FBXO15: variants seen among roughly 807,000 people sequenced by gnomAD.
The protein encoded by FBXO15 is F-box protein 15, also known as F-box only protein 15.
In FBXO15, 30 loss-of-function variants were observed where a neutral mutation model predicts 49.5. The ratio of observed to expected loss-of-function variants is 0.61; its 90% CI spans 0.45 to 0.82. The LOEUF (loss-of-function observed/expected upper bound fraction) is 0.82, where lower values mean the gene tolerates loss of function less well. FBXO15 is among the 40% of genes least tolerant of loss of function. The pLI is 0.00. For synonymous variants in FBXO15, 250 were observed against 232.7 expected (o/e 1.07, Z -0.68); for missense variants, 591 against 631.5 (o/e 0.94, Z 0.69).
chr18:74,114,442 C>T (rs1284974752), intron 8 of FBXO15, among the ~76,000 whole-genome samples: 1 of 152,202 alleles, frequency 6.6e-6, no homozygotes, highest in Non-Finnish European at 1.5e-5. Context: ...CAACTATATC[C>T]TGAGTCCTGG....
intron 8 of FBXO15, chr18:74,097,400 G>C (rs1327938161): frequency 1.5e-5 from 2 of 132,332 alleles, no homozygotes; most frequent in Non-Finnish European, 3.2e-5. Flanking sequence ...GGGTTGGGGG[G>C]TTGGGAGGAT....
chr18:74,114,011 TG>T (rs983983078), intron 8 of FBXO15, among the ~76,000 whole-genome samples: 2 of 152,206 alleles, frequency 1.3e-5, no homozygotes, highest in African/African-American at 4.8e-5. Context: ...GCCTGGCCCT[TG>T]GATGTGGTCT....
chr18:74,121,329 A>C (rs1914457451), intron 8 of FBXO15, among the ~76,000 whole-genome samples: 1 of 152,240 alleles, frequency 6.6e-6, no homozygotes. Context: ...CAAAGAAATC[A>C]CAAAACAGCT....
chr18:74,087,309 G>A (rs1912787911), intron 8 of FBXO15, among the ~76,000 whole-genome samples: 1 of 152,014 alleles, frequency 6.6e-6, no homozygotes, highest in South Asian at 2.1e-4. Context: ...ATGTTGCAGG[G>A]GTTTGTAGAG....
rs563513054 is a variant in FBXO15, at chr18:74,118,156, C to T, written c.1138+5212G>A. On this transcript the variant is annotated intron_variant, in intron 8 of 9. Transcript: ENST00000419743. ...GAGACTACAGGTGCATGTAATCATGCCCAGCTAATTTTTGTATTTTTTTGT... is the reference window on the plus strand; with the variant it reads ...GAGACTACAGGTGCATGTAATCATGTCCAGCTAATTTTTGTATTTTTTTGT... Among the ~76,000 whole-genome samples the T allele has an allele frequency of 1.6e-3, 240 of 151,978 alleles. 1 individual carries two copies. Among genetic ancestry groups the T allele is most frequent in the Non-Finnish European group, 2.8e-3 (190 of 67,996 alleles).
chr18:74,130,319 C>G, intron 4 of FBXO15, 97 bp downstream of exon 4: 3 of 1,473,500 alleles, frequency 2.0e-6, no homozygotes, highest in Admixed American at 2.2e-5. Context: ...CACAAAAATA[C>G]TAGAGACAGT....
At chr18:74,116,012 C>T (rs946616148) in intron 8 of FBXO15, among the ~76,000 whole-genome samples, 5 of 152,156 alleles carry the variant, frequency 3.3e-5, no homozygotes, top group African/African-American at 4.8e-5. Context: ...ATGGTGATCA[C>T]ACAGGTGTTT....
intron 7 of FBXO15, among the ~76,000 whole-genome samples, 191 bp downstream of exon 7, chr18:74,124,294 GAATA>G (rs1413391089): frequency 6.6e-6 from 1 of 152,172 alleles, no homozygotes; most frequent in Admixed American, 6.5e-5. Flanking sequence ...CCTTGACCCA[GAATA>G]AATAAAGCAA....
rs112762838 is a variant in FBXO15, at chr18:74,094,848, C to A, written c.1139-12797G>T. Among the ~76,000 whole-genome samples, 349 of 152,312 alleles carry A rather than the reference C, an allele frequency of 2.3e-3. 1 individual carries two copies. Among genetic ancestry groups the A allele is most frequent in the African/African-American group, 8.1e-3 (335 of 41,562 alleles). The stretch of plus-strand genomic sequence containing the variant: ...GCTATGAAAGTCCTCGATAGTGGCT[C>A]CTTCCCATGGAAGACTGTCTCATCT... On this transcript the variant is annotated intron_variant, in intron 8 of 9. Coordinates refer to ENST00000419743, the MANE Select transcript of FBXO15 (RefSeq NM_001142958.2).
rs568419243 is a variant in FBXO15 at position 74,131,875 on chromosome 18, G to T, written c.333-1217C>A. Among the ~76,000 whole-genome samples, 21 of 152,274 alleles carry T rather than the reference G, an allele frequency of 1.4e-4. No individual in the cohort carries two copies. In the East Asian group the frequency reaches 3.9e-3, roughly 28 times the overall value. On this transcript the variant is annotated intron_variant, in intron 3 of 9. Coordinates refer to ENST00000419743, the MANE Select transcript of FBXO15 (RefSeq NM_001142958.2). ...GTCCTGAACTGCAGCAGGACCCCTG[G>T]GGATAACTGGGTGCTCTGGGGAGGC...
rs1404827421 is a variant in FBXO15, at chr18:74,075,932, C to T, written c.1264-2202G>A. On this transcript the variant is annotated intron_variant, in intron 9 of 9. Transcript: ENST00000419743. The surrounding 1 kb of genome is among the most constrained non-coding windows in gnomAD (Gnocchi z 4.1). Reference sequence around the variant, plus strand: ...GATTCCCAAAAGTTTATCTCCAGGCCGAACTTCTTTTCTAAGTTCAAGACC... The same window carrying T: ...GATTCCCAAAAGTTTATCTCCAGGCTGAACTTCTTTTCTAAGTTCAAGACC... Among the ~76,000 whole-genome samples, 1 of 152,166 alleles carries T rather than the reference C, an allele frequency of 6.6e-6. No homozygotes were observed. The highest frequency in any genetic ancestry group is 2.4e-5 in the African/African-American group (1 of 41,434).
At chr18:74,100,739 C>G (rs759128978) in intron 8 of FBXO15, among the ~76,000 whole-genome samples, 1 of 151,984 alleles carries the variant, frequency 6.6e-6, no homozygotes, top group Non-Finnish European at 1.5e-5. Flanking sequence ...ACAACTGATA[C>G]CACAGAAATA....
At chr18:74,119,593 G>A (rs1046471170) in intron 8 of FBXO15, among the ~76,000 whole-genome samples, 1 of 152,140 alleles carries the variant, frequency 6.6e-6, no homozygotes, top group East Asian at 1.9e-4. Context: ...AGTGAATCAG[G>A]CTCAGAGAGA....
At chr18:74,141,776 C>T (rs1979092656) in intron 1 of FBXO15, among the ~76,000 whole-genome samples, 2 of 152,224 alleles carry the variant, frequency 1.3e-5, no homozygotes, top group African/African-American at 2.4e-5. Context: ...GGCCAGGTGA[C>T]AGTGTAGCCT....
intron 8 of FBXO15, among the ~76,000 whole-genome samples, chr18:74,089,872 A>G (rs946368267): frequency 2.0e-5 from 3 of 152,070 alleles, no homozygotes; most frequent in African/African-American, 7.2e-5. Context: ...ATTGGCCTGA[A>G]GTTTTCTTTT....
rs1342333003 is a variant in FBXO15 at position 74,074,843 on chromosome 18, C to T, written c.1264-1113G>A. The stretch of plus-strand genomic sequence containing the variant: ...GTAAAAAGGCCTGAAGAGCACTGCC[C>T]ATGGACCTAGCCCACCCACTAGCCA... On this transcript the variant is annotated intron_variant, in intron 9 of 9. Transcript: ENST00000419743. The surrounding 1 kb of genome is among the most constrained non-coding windows in gnomAD (Gnocchi z 4.7). 6.6e-6 allele frequency among the ~76,000 whole-genome samples: 1 copy of T among 152,176 alleles called. No homozygotes were observed. The highest frequency in any genetic ancestry group is 1.5e-5 in the Non-Finnish European group (1 of 68,038).
intron 9 of FBXO15, among the ~76,000 whole-genome samples, chr18:74,077,785 G>A (rs543517210): frequency 1.9e-4 from 29 of 152,292 alleles, no homozygotes; most frequent in South Asian, 1.2e-3. Flanking sequence ...CACTGTGGCC[G>A]TTTTAGAGAG....
chr18:74,092,711 G>A (rs1480403113), intron 8 of FBXO15, among the ~76,000 whole-genome samples: 1 of 152,166 alleles, frequency 6.6e-6, no homozygotes. Context: ...CATGACCCCA[G>A]CTTTGTTCTT....
chr18:74,145,371 G>C (rs957781531), intron 1 of FBXO15, among the ~76,000 whole-genome samples: 2 of 152,002 alleles, frequency 1.3e-5, no homozygotes, highest in Non-Finnish European at 2.9e-5. Context: ...GGATCTCATA[G>C]AGTCCCTCAT....
Sources: gnomAD v4.1 joint callset for allele counts (sites outside exome capture counted in the v4.1 genomes callset) on GRCh38, gnomAD v4.1.1 for gene constraint, Gnocchi (gnomAD v3.1) non-coding constraint, MANE v1.5 for transcripts, NCBI Gene and HGNC (gene_info 2026-07-23, HGNC 2026-07-21) for gene names.